SGCD: variants seen among roughly 807,000 people sequenced by gnomAD.
SGCD encodes delta-sarcoglycan.
In SGCD, 18 loss-of-function variants were observed where a neutral mutation model predicts 36.6. That is an observed-to-expected ratio of 0.49 (90% CI 0.34 to 0.73). SGCD has a LOEUF of 0.73. Ranked by LOEUF, SGCD falls within the 30% of genes least tolerant of loss-of-function variation. SGCD has a pLI of 0.01. For synonymous variants in SGCD, 133 were observed against 130.6 expected, an observed-to-expected ratio of 1.02 and a Z score of -0.12; for missense variants, 387 against 346.7, an observed-to-expected ratio of 1.12 and a Z score of -0.92.
rs147648293 is a variant in SGCD, at chr5:156,277,920, T to A, written c.-43-51614T>A. Among the ~76,000 whole-genome samples, 12 of 152,284 alleles carry A rather than the reference T, an allele frequency of 7.9e-5. No homozygotes were observed. In the East Asian group the frequency reaches 2.3e-3, roughly 29 times the overall value. On this transcript the variant is annotated intron_variant, in intron 3 of 9. Coordinates refer to the SGCD transcript ENST00000517913. ...CCCTGATCTCATGAAACTGAAGGTC[T>A]GATCTGAGAAATGGACATTACGCAC...
At chr5:155,997,756 A>G (rs112686766) in intron 1 of SGCD, among the ~76,000 whole-genome samples, 42 of 152,334 alleles carry the variant, frequency 2.8e-4, no homozygotes, top group African/African-American at 1.0e-3. Flanking sequence ...ATGTTTTCCC[A>G]TTGGAGGAAT....
the SGCD span, among the ~76,000 whole-genome samples, chr5:155,800,144 TA>T: frequency 2.6e-5 from 4 of 152,140 alleles, no homozygotes; most frequent in Admixed American, 6.5e-5. Flanking sequence ...TTTTCTGGGA[TA>T]GTTTAATAGC....
the SGCD span, among the ~76,000 whole-genome samples, chr5:155,849,101 G>T: frequency 6.6e-6 from 1 of 151,986 alleles, no homozygotes; most frequent in South Asian, 2.1e-4. Context: ...CAAATTACCT[G>T]GTATTGTAAA....
intron 3 of SGCD, among the ~76,000 whole-genome samples, chr5:156,363,039 T>C (rs1437146240): frequency 6.7e-6 from 1 of 150,324 alleles, no homozygotes; most frequent in African/African-American, 2.4e-5. Flanking sequence ...GATTTTACCT[T>C]TTTTTTTTAA....
At chr5:156,425,204 G>T (rs1399810662) in intron 3 of SGCD, among the ~76,000 whole-genome samples, 2 of 151,936 alleles carry the variant, frequency 1.3e-5, no homozygotes, top group African/African-American at 4.8e-5. Flanking sequence ...CTGAAAGCTG[G>T]TAATTATGTT....
intron 3 of SGCD, among the ~76,000 whole-genome samples, chr5:156,458,859 T>C (rs1754365370): frequency 1.3e-5 from 2 of 152,194 alleles, no homozygotes; most frequent in African/African-American, 4.8e-5. Flanking sequence ...CTTCAGTGGA[T>C]TTTAATTTCT....
intron 7 of SGCD, among the ~76,000 whole-genome samples, chr5:156,738,946 G>C (rs936187564): frequency 6.6e-6 from 1 of 152,220 alleles, no homozygotes; most frequent in African/African-American, 2.4e-5. Flanking sequence ...TCCTGAGTCT[G>C]AAGCTCAAGC....
At chr5:156,574,385 T>A (rs1253077202) in intron 4 of SGCD, among the ~76,000 whole-genome samples, 1 of 152,208 alleles carries the variant, frequency 6.6e-6, no homozygotes, top group Non-Finnish European at 1.5e-5. Context: ...TCCTTATACA[T>A]GCTATTTAAT....
intron 1 of SGCD, among the ~76,000 whole-genome samples, chr5:156,116,324 T>A (rs912427558): frequency 6.6e-6 from 1 of 152,152 alleles, no homozygotes; most frequent in Non-Finnish European, 1.5e-5. Flanking sequence ...CTAATTTTTC[T>A]ATCCTTAATT....
At chr5:156,339,476 C>T (rs879825217) in intron 2 of SGCD, among the ~76,000 whole-genome samples, 9 of 152,162 alleles carry the variant, frequency 5.9e-5, no homozygotes, top group Non-Finnish European at 1.2e-4. Flanking sequence ...TACTGTTTAA[C>T]GTTGGCTTGA....
intron 3 of SGCD, among the ~76,000 whole-genome samples, chr5:156,305,781 G>T (rs1045205622): frequency 6.6e-6 from 1 of 152,204 alleles, no homozygotes; most frequent in Non-Finnish European, 1.5e-5. Flanking sequence ...GGGCAGAGCT[G>T]CCCAAGACCA....
rs75190800 is a variant in SGCD, at chr5:156,057,526, T to C, written c.-281-60352T>C. ...TTATTTGGGAACAAAACAAAACATC[T>C]TTAGTAAATCTGTCCTCTGAAAAAG... On this transcript the variant is annotated intron_variant, in intron 1 of 9. Coordinates refer to the SGCD transcript ENST00000517913. 8.5e-3 allele frequency among the ~76,000 whole-genome samples: 1,240 copies of C among 146,688 alleles called. 83 individuals carry two copies. Among genetic ancestry groups the C allele is most frequent in the African/African-American group, 0.029 (1,188 of 40,822 alleles).
chr5:156,460,665 A>G (rs77932444), intron 3 of SGCD, among the ~76,000 whole-genome samples: 3 of 152,236 alleles, frequency 2.0e-5, no homozygotes, highest in East Asian at 1.9e-4. Flanking sequence ...CCCTCAGCTC[A>G]TTTATTTCAT....
the SGCD span, among the ~76,000 whole-genome samples, chr5:155,790,413 T>C: frequency 6.6e-6 from 1 of 152,064 alleles, no homozygotes; most frequent in Non-Finnish European, 1.5e-5. Flanking sequence ...GTTTAAATGC[T>C]AGCATGGAGA....
chr5:155,838,574 G>A, the SGCD span, among the ~76,000 whole-genome samples: 2 of 152,014 alleles, frequency 1.3e-5, no homozygotes, highest in African/African-American at 2.4e-5. Context: ...GGGGGTTTCT[G>A]AGACACTTTC....
rs2113197610 is a variant in SGCD at position 156,761,766 on chromosome 5, A to C, written c.*2376A>C. On this transcript the variant is annotated 3_prime_UTR_variant, in exon 9 of 9. Coordinates refer to ENST00000337851, the MANE Select transcript of SGCD (RefSeq NM_000337.6). ...GTGAAGGAATGAGATTAGCACCACA[A>C]GTTTCATGCCAATAAAAGAGACTGG... The C allele has an allele frequency of 6.6e-6, 1 of 152,316 alleles. No individual in the cohort carries two copies. Among genetic ancestry groups the C allele is most frequent in the South Asian group, 2.1e-4 (1 of 4,820 alleles). The allele number at this position is 152,316 out of a possible 1,614,324, so 9.4% of individuals were successfully genotyped here. A position where few individuals can be genotyped will look rare whatever the true frequency, so the allele number is the denominator to read the frequency against.
At chr5:156,322,863 G>A (rs1208415858), upstream of SGCD, among the ~76,000 whole-genome samples, 1 of 152,144 alleles carries the variant, frequency 6.6e-6, no homozygotes, top group Non-Finnish European at 1.5e-5. Context: ...TTAAAGATTT[G>A]AGGTCAAAGA....
At chr5:156,132,684 G>A (rs1184354260) in intron 3 of SGCD, among the ~76,000 whole-genome samples, 1 of 151,422 alleles carries the variant, frequency 6.6e-6, no homozygotes, top group African/African-American at 2.4e-5. Flanking sequence ...TAGCCAGGAT[G>A]GTCTCGATCT....
intron 4 of SGCD, among the ~76,000 whole-genome samples, chr5:156,532,412 T>C (rs780290071): frequency 4.6e-5 from 7 of 152,202 alleles, no homozygotes; most frequent in Non-Finnish European, 4.4e-5. Flanking sequence ...GAGTCTTACA[T>C]TGTAATAGCT....
Sources: gnomAD v4.1 joint callset for allele counts (sites outside exome capture counted in the v4.1 genomes callset) on GRCh38, gnomAD v4.1.1 for gene constraint, MANE v1.5 for transcripts, NCBI Gene and HGNC (gene_info 2026-07-23, HGNC 2026-07-21) for gene names.